FHAD1: variants seen among roughly 807,000 people sequenced by gnomAD.
FHAD1 encodes the protein forkhead-associated domain-containing protein 1.
A neutral mutation model predicts 191.3 loss-of-function variants in FHAD1; 146 were observed. That is an observed-to-expected ratio of 0.76 (90% CI 0.67 to 0.88). FHAD1 has a LOEUF of 0.88. FHAD1 is among the 40% of genes least tolerant of loss of function. The pLI is 0.00. For missense variants in FHAD1, 1,635 were observed against 1,785.8 expected (o/e 0.92, Z 1.52); for synonymous variants, 616 against 672.3 (o/e 0.92, Z 1.29).
At chr1:15,303,860 AAAAGAAAG>A (rs67778049) in intron 6 of FHAD1, among the ~76,000 whole-genome samples, 1 of 151,748 alleles carries the variant, frequency 6.6e-6, no homozygotes, top group African/African-American at 2.4e-5. Context: ...AAAAAAAAAA[AAAAGAAAG>A]AAAGAAAGAA....
chr1:15,349,164 A>G lies in FHAD1; in HGVS notation c.2454+15A>G, dbSNP rs1024529326. 1.3e-6 allele frequency: 2 copies of G among 1,525,644 alleles called. No individual in the cohort carries two copies. Among genetic ancestry groups the G allele is most frequent in the African/African-American group, 2.8e-5 (2 of 72,406 alleles). The allele number at this position is 1,525,644 out of a possible 1,614,324, so 94.5% of individuals were successfully genotyped here. On this transcript the variant is annotated intron_variant, in intron 19 of 33. Coordinates refer to ENST00000688493, the MANE Select transcript of FHAD1 (RefSeq NM_001391957.1). ...AACAGAAGGAGGTATGAGCAGCAGC[A>G]GGAAAGAATCCTCTGGAAGGAACTA...
At chr1:15,353,032 G>A in intron 20 of FHAD1, 48 bp downstream of exon 20, 1 of 1,371,430 alleles carries the variant, frequency 7.3e-7, no homozygotes, top group Non-Finnish European at 1.0e-6. Flanking sequence ...GCACAGCGAA[G>A]GGCAGTGCTC....
chr1:15,307,982 A>C (rs993505493), intron 6 of FHAD1, among the ~76,000 whole-genome samples: 3 of 152,144 alleles, frequency 2.0e-5, no homozygotes, highest in Non-Finnish European at 4.4e-5. Flanking sequence ...CACCCGCCTC[A>C]GCCTCCCAAA....
upstream of FHAD1, among the ~76,000 whole-genome samples, chr1:15,247,064 A>T (rs1423174565): frequency 6.6e-6 from 1 of 152,174 alleles, no homozygotes; most frequent in African/African-American, 2.4e-5. Flanking sequence ...GTGACCTCTG[A>T]GCCTCCGCTT....
chr1:15,335,216 G>A (rs1316847313), intron 14 of FHAD1: 2 of 152,256 alleles, frequency 1.3e-5, no homozygotes, highest in African/African-American at 4.8e-5. Flanking sequence ...TGGTTCAGCT[G>A]GGAGGATAAG....
intron 32 of FHAD1, among the ~76,000 whole-genome samples, chr1:15,389,990 C>T (rs72879964): frequency 0.12 from 17,682 of 152,240 alleles, 1,183 homozygotes; most frequent in Middle Eastern, 0.2. Context: ...GGCAGGGCGG[C>T]CCTGAGGCAG....
Position 15,397,560 on chromosome 1 carries a change from C to A in FHAD1, c.*147C>A, listed in dbSNP as rs775565798. 4.5e-6 allele frequency: 2 copies of A among 448,896 alleles called. No individual in the cohort carries two copies. The highest frequency in any genetic ancestry group is 4.0e-6 in the Non-Finnish European group (1 of 249,372). The allele number at this position is 448,896 out of a possible 1,614,324, so 27.8% of individuals were successfully genotyped here. ...TCATTTCCTAGACCAGTATTTTGAA[C>A]AATATTATATTTTGGAGACTGTGGG... On this transcript the variant is annotated 3_prime_UTR_variant, in exon 34 of 34. Transcript: ENST00000688493.
chr1:15,271,199 G>T (rs1471788235), intron 2 of FHAD1, among the ~76,000 whole-genome samples: 1 of 147,424 alleles, frequency 6.8e-6, no homozygotes, highest in Non-Finnish European at 1.5e-5. Context: ...TGTAGTCCCA[G>T]CTACTCGGGA....
At position 15,353,059 on chromosome 1, in the gene FHAD1, G is replaced by A. The variant is rs529286055; in HGVS notation, c.2562+75G>A. 26 of 1,110,088 alleles carry A rather than the reference G, an allele frequency of 2.3e-5. No homozygotes were observed. In the South Asian group the frequency reaches 3.6e-4, roughly 15 times the overall value. 68.8% of individuals were successfully genotyped at this position (1,110,088 alleles called of 1,614,324 possible). On this transcript the variant is annotated intron_variant, in intron 20 of 33. Transcript: ENST00000688493. ...GCAGTGCTCTAGAGCCAGGCTCTGGGTTCAAATCCTACCTCTCCCCATCCC... is the reference window on the plus strand; with the variant it reads ...GCAGTGCTCTAGAGCCAGGCTCTGGATTCAAATCCTACCTCTCCCCATCCC...
chr1:15,385,645 C>T (rs1701940330), intron 31 of FHAD1, among the ~76,000 whole-genome samples: 1 of 152,160 alleles, frequency 6.6e-6, no homozygotes, highest in Non-Finnish European at 1.5e-5. Flanking sequence ...TATGGCACCA[C>T]ACACCTGTAA....
chr1:15,379,330 A>C (rs541427216), intron 28 of FHAD1, among the ~76,000 whole-genome samples: 1 of 152,364 alleles, frequency 6.6e-6, no homozygotes, highest in East Asian at 1.9e-4. Flanking sequence ...CTGTGCTTTT[A>C]GATATGCATA....
At chr1:15,334,577 G>C (rs1341066569) in intron 14 of FHAD1, 1 of 152,202 alleles carries the variant, frequency 6.6e-6, no homozygotes, top group Non-Finnish European at 1.5e-5. Flanking sequence ...TTACTTGCTC[G>C]TGAAATGGCC....
intron 8 of FHAD1, chr1:15,315,128 T>C (rs1039625749): frequency 1.3e-5 from 2 of 152,028 alleles, no homozygotes; most frequent in African/African-American, 4.8e-5. Context: ...CATGTGAACA[T>C]CCGAATGACT....
At chr1:15,360,287 G>A (rs1357143213) in intron 21 of FHAD1, among the ~76,000 whole-genome samples, 191 bp from the exon 22 acceptor site, 1 of 152,250 alleles carries the variant, frequency 6.6e-6, no homozygotes, top group Non-Finnish European at 1.5e-5. Flanking sequence ...CTGGAGCTGA[G>A]CCCTGAGAGT....
At chr1:15,346,438 C>T (rs569097736) in intron 18 of FHAD1, among the ~76,000 whole-genome samples, 4 of 152,186 alleles carry the variant, frequency 2.6e-5, no homozygotes, top group Admixed American at 6.5e-5. Context: ...CACCACTCCC[C>T]GTTGCATTAA....
intron 32 of FHAD1, among the ~76,000 whole-genome samples, chr1:15,390,344 CAAAAAAAAAAAA>C (rs59353142): frequency 4.3e-5 from 3 of 69,224 alleles, no homozygotes; most frequent in Admixed American, 1.6e-4. Flanking sequence ...GACTCTGTCT[CAAAAAAAAAAAA>C]AAAAAAAAAA....
At chr1:15,370,992 T>G (rs1697919302) in intron 26 of FHAD1, among the ~76,000 whole-genome samples, 1 of 152,222 alleles carries the variant, frequency 6.6e-6, no homozygotes, top group African/African-American at 2.4e-5. Context: ...TCCAGCCAGC[T>G]GTCCTTGGCA....
chr1:15,289,278 C>T lies in FHAD1; in HGVS notation c.301-121C>T, dbSNP rs967047600. The T allele has an allele frequency of 3.3e-5, 45 of 1,355,166 alleles. No homozygotes were observed. Among genetic ancestry groups the T allele is most frequent in the Non-Finnish European group, 4.0e-5 (41 of 1,014,418 alleles). The allele number at this position is 1,355,166 out of a possible 1,614,324, so 83.9% of individuals were successfully genotyped here. A position where few individuals can be genotyped will look rare whatever the true frequency, so the allele number is the denominator to read the frequency against. On this transcript the variant is annotated intron_variant, in intron 3 of 33. Coordinates refer to ENST00000688493, the MANE Select transcript of FHAD1 (RefSeq NM_001391957.1). This position sits in a 1 kb window ranked among gnomAD's most constrained non-coding sequence, Gnocchi z 4.2. The stretch of plus-strand genomic sequence containing the variant: ...GTTGGGATTATAGCTGTGTGCCACC[C>T]TGCCCGACCGGAAGTGACTCATAAA...
At chr1:15,273,071 C>T (rs562611890) in intron 3 of FHAD1, among the ~76,000 whole-genome samples, 23 of 152,270 alleles carry the variant, frequency 1.5e-4, no homozygotes, top group Non-Finnish European at 2.9e-4. Flanking sequence ...GTCTGATTAT[C>T]AGAATTTGAG....
Sources: allele counts gnomAD v4.1 joint callset (sites outside exome capture counted in the v4.1 genomes callset), GRCh38; gene constraint gnomAD v4.1.1; non-coding constraint Gnocchi (gnomAD v3.1); transcripts MANE v1.5; gene names NCBI Gene and HGNC (gene_info 2026-07-23, HGNC 2026-07-21).